Variants in ARHGEF38 observed in about 807,000 individuals in gnomAD.
The protein encoded by ARHGEF38 is Rho guanine nucleotide exchange factor (GEF) 38.
A neutral mutation model predicts 79.9 loss-of-function variants in ARHGEF38; 79 were observed. The observed-to-expected ratio is 0.99, with a 90% CI of 0.82 to 1.19. ARHGEF38 has a LOEUF of 1.19. ARHGEF38 is among the 50% of genes most tolerant of loss of function. ARHGEF38 has a pLI of 0.00. For missense variants in ARHGEF38, 962 were observed against 907.2 expected, an observed-to-expected ratio of 1.06 and a Z score of -0.78; for synonymous variants, 366 against 328.3, an observed-to-expected ratio of 1.11 and a Z score of -1.24.
At chr4:105,574,506 T>C (rs1338740054) in intron 1 of ARHGEF38, among the ~76,000 whole-genome samples, 2 of 142,894 alleles carry the variant, frequency 1.4e-5, no homozygotes, top group African/African-American at 5.2e-5. Flanking sequence ...GCCGAGATGG[T>C]GCCATTGCAC....
rs1423435328 is a variant in ARHGEF38, at chr4:105,589,321, G to C, written c.270G>C (p.Arg90Ser). 1 of 1,614,080 alleles carries C rather than the reference G, an allele frequency of 6.2e-7. No homozygotes were observed. Among genetic ancestry groups the C allele is most frequent in the East Asian group, 2.2e-5 (1 of 44,866 alleles). The change falls in exon 2 of 14, where the codon AGG becomes AGC. Residue 90 changes from arginine (R) to serine (S), a missense_variant. Arg to Ser is a moderately radical substitution (Grantham distance 110). Coordinates refer to ENST00000420470, the MANE Select transcript of ARHGEF38 (RefSeq NM_001242729.2). ...CAGAGGAAGAGCATCATATGAAGAG[G>C]ATGATGGCAAAGCGGGAAAAGATCA... ...LTPEEEHHMKRMMAKREKIIK... is the reference protein window; with the variant it reads ...LTPEEEHHMKSMMAKREKIIK...
At chr4:105,613,614 A>G (rs1187486819) in intron 3 of ARHGEF38, 107 bp downstream of exon 3, 11 of 1,263,040 alleles carry the variant, frequency 8.7e-6, no homozygotes, top group African/African-American at 4.5e-5. Context: ...TTCCCAGGAG[A>G]TATATAAATG....
chr4:105,644,023 T>C (rs958202783), intron 5 of ARHGEF38, among the ~76,000 whole-genome samples: 1 of 151,700 alleles, frequency 6.6e-6, no homozygotes, highest in Non-Finnish European at 1.5e-5. Context: ...CCTGCCACCA[T>C]GCCTGGCTAA....
intron 3 of ARHGEF38, among the ~76,000 whole-genome samples, chr4:105,613,792 A>G (rs1307245920): frequency 6.6e-6 from 1 of 152,014 alleles, no homozygotes; most frequent in Non-Finnish European, 1.5e-5. Flanking sequence ...ATTTTTTTTA[A>G]TGGCTAACAC....
At chr4:105,646,655 T>C (rs1219431722) in intron 6 of ARHGEF38, among the ~76,000 whole-genome samples, 1 of 152,108 alleles carries the variant, frequency 6.6e-6, no homozygotes, top group African/African-American at 2.4e-5. Context: ...GCCCATGTGC[T>C]CAAAGAGAGG....
At chr4:105,663,421 C>T (rs72669994) in intron 10 of ARHGEF38, among the ~76,000 whole-genome samples, 2,876 of 152,168 alleles carry the variant, frequency 0.019, 40 homozygotes, top group Middle Eastern at 0.041. Flanking sequence ...AAAACATTTT[C>T]ATCTTGCAAA....
intron 2 of ARHGEF38, among the ~76,000 whole-genome samples, chr4:105,605,556 T>C (rs566884784): frequency 1.3e-5 from 2 of 152,292 alleles, no homozygotes; most frequent in South Asian, 4.1e-4. Flanking sequence ...GCAAGATTAG[T>C]TAAAAGACTT....
At chr4:105,626,714 G>A (rs1270869393) in intron 3 of ARHGEF38, among the ~76,000 whole-genome samples, 1 of 151,900 alleles carries the variant, frequency 6.6e-6, no homozygotes, top group African/African-American at 2.4e-5. Flanking sequence ...TACCAGAATA[G>A]CTTTTCTAAA....
At position 105,678,035 on chromosome 4, in the gene ARHGEF38, C is replaced by T; in HGVS notation, c.*98C>T. The T allele has an allele frequency of 1.9e-6, 2 of 1,039,164 alleles. No homozygotes were observed. The highest frequency in any genetic ancestry group is 2.7e-6 in the Non-Finnish European group (2 of 745,684). The allele number at this position is 1,039,164 out of a possible 1,614,324, so 64.4% of individuals were successfully genotyped here. ...CTTTGGACCAGAAAGCAAGAAACCT[C>T]TGAACTACAGAAACTGATACTGTAC... On this transcript the variant is annotated 3_prime_UTR_variant, in exon 14 of 14. Transcript: ENST00000420470.
chr4:105,574,029 T>C (rs1015063242), intron 1 of ARHGEF38, among the ~76,000 whole-genome samples: 1 of 152,214 alleles, frequency 6.6e-6, no homozygotes, highest in Middle Eastern at 3.2e-3. Flanking sequence ...ATTGCTACTG[T>C]ATAGAAGAAA....
At chr4:105,607,629 G>A (rs952133659) in intron 2 of ARHGEF38, among the ~76,000 whole-genome samples, 6 of 152,066 alleles carry the variant, frequency 3.9e-5, no homozygotes, top group Non-Finnish European at 7.4e-5. Flanking sequence ...CAAAGCAAGA[G>A]TCATGGAAGT....
In ARHGEF38 at chr4:105,679,713, TTG is replaced by T. The variant is rs766119335; in HGVS notation, c.*1780_*1781del. 32 of 800,974 alleles carry T rather than the reference TTG, an allele frequency of 4.0e-5. No individual in the cohort carries two copies. Among genetic ancestry groups the T allele is most frequent in the Non-Finnish European group, 6.7e-5 (30 of 447,490 alleles). 49.6% of individuals were successfully genotyped at this position (800,974 alleles called of 1,614,324 possible). On this transcript the variant is annotated 3_prime_UTR_variant, in exon 14 of 14. Transcript: ENST00000420470. ...GAACACCTACACATTTAAAAGTAAT[TTG>T]TGTTTTTTGTTCCACATGTCTTAGT... is the stretch of plus-strand genomic sequence containing the variant.
At chr4:105,646,605 A>C (rs1008475054) in intron 6 of ARHGEF38, among the ~76,000 whole-genome samples, 11 of 152,204 alleles carry the variant, frequency 7.2e-5, no homozygotes, top group African/African-American at 2.4e-4. Context: ...CCGGAGACTC[A>C]GAAAATGAAT....
intron 7 of ARHGEF38, among the ~76,000 whole-genome samples, chr4:105,648,934 A>G (rs568060373): frequency 6.6e-6 from 1 of 152,002 alleles, no homozygotes; most frequent in African/African-American, 2.4e-5. Flanking sequence ...CTTCTACTCA[A>G]GAAACAGACA....
At chr4:105,599,425 G>A (rs1727727739) in intron 2 of ARHGEF38, among the ~76,000 whole-genome samples, 1 of 152,162 alleles carries the variant, frequency 6.6e-6, no homozygotes, top group African/African-American at 2.4e-5. Context: ...ACATAGATGT[G>A]TTAAGCGGAT....
intron 1 of ARHGEF38, among the ~76,000 whole-genome samples, chr4:105,564,168 C>A (rs1212071057): frequency 2.0e-5 from 3 of 152,048 alleles, no homozygotes; most frequent in African/African-American, 7.2e-5. Context: ...ATTTTACAGA[C>A]AATCTATTGT....
intron 1 of ARHGEF38, among the ~76,000 whole-genome samples, chr4:105,560,391 T>G (rs916893158): frequency 6.6e-6 from 1 of 152,184 alleles, no homozygotes; most frequent in African/African-American, 2.4e-5. Flanking sequence ...TATTTGCATC[T>G]CAATAAAACT....
chr4:105,649,679 G>A (rs1216797487), intron 7 of ARHGEF38, among the ~76,000 whole-genome samples: 1 of 152,168 alleles, frequency 6.6e-6, no homozygotes, highest in Non-Finnish European at 1.5e-5. Context: ...GGTGGTTCAT[G>A]TTGGTTTCAG....
At chr4:105,621,172 T>C (rs929192258) in intron 3 of ARHGEF38, among the ~76,000 whole-genome samples, 1 of 152,170 alleles carries the variant, frequency 6.6e-6, no homozygotes, top group Non-Finnish European at 1.5e-5. Flanking sequence ...CCTGAGTGGA[T>C]GTCAAGTGTA....
Sources: allele counts gnomAD v4.1 joint callset (sites outside exome capture counted in the v4.1 genomes callset), GRCh38; gene constraint gnomAD v4.1.1; transcripts MANE v1.5; gene names NCBI Gene and HGNC (gene_info 2026-07-23, HGNC 2026-07-21).